CFAP90: variants seen among roughly 807,000 people sequenced by gnomAD.
CFAP90 encodes the protein cilia- and flagella-associated protein 90.
the CFAP90 span, among the ~76,000 whole-genome samples, chr5:7,849,026 C>A: frequency 6.6e-6 from 1 of 152,158 alleles, no homozygotes; most frequent in Non-Finnish European, 1.5e-5. Flanking sequence ...CAAATTTCCC[C>A]TTTTCTCAAA....
At chr5:7,840,173 A>G in the CFAP90 span, among the ~76,000 whole-genome samples, 2 of 152,050 alleles carry the variant, frequency 1.3e-5, no homozygotes, top group African/African-American at 4.8e-5. Flanking sequence ...TCACCTTGTG[A>G]TCTCTCCCTT....
the CFAP90 span, among the ~76,000 whole-genome samples, chr5:7,846,742 T>C: frequency 5.9e-5 from 9 of 152,194 alleles, no homozygotes; most frequent in African/African-American, 1.9e-4. Flanking sequence ...ATTATTCTTC[T>C]TCTTACTTTT....
chr5:7,830,923 G>A, the CFAP90 span: 1 of 152,188 alleles, frequency 6.6e-6, no homozygotes, highest in East Asian at 1.9e-4. Context: ...CCAAAAAGAA[G>A]ACTGTTTAAA....
At chr5:7,834,025 A>G in the CFAP90 span, among the ~76,000 whole-genome samples, 1 of 152,220 alleles carries the variant, frequency 6.6e-6, no homozygotes, top group East Asian at 1.9e-4. Context: ...TGTATTTATT[A>G]TATTTTTTAT....
chr5:7,844,815 G>A, the CFAP90 span, among the ~76,000 whole-genome samples: 1 of 152,180 alleles, frequency 6.6e-6, no homozygotes, highest in African/African-American at 2.4e-5. Flanking sequence ...TGGTAAAGGT[G>A]CTTGGTTCCT....
At chr5:7,840,664 C>A in the CFAP90 span, among the ~76,000 whole-genome samples, 1 of 152,144 alleles carries the variant, frequency 6.6e-6, no homozygotes, top group Non-Finnish European at 1.5e-5. Context: ...ATGTGGTCAG[C>A]TGACTTGTGT....
chr5:7,832,149 C>A, the CFAP90 span: 1 of 940,664 alleles, frequency 1.1e-6, no homozygotes, highest in Non-Finnish European at 1.6e-6. Context: ...CATGGTAGAC[C>A]AAGAGGGAAC....
the CFAP90 span, among the ~76,000 whole-genome samples, chr5:7,837,463 TTCC>T: frequency 6.6e-6 from 1 of 152,182 alleles, no homozygotes; most frequent in Admixed American, 6.5e-5. Flanking sequence ...GCTAGAATGA[TTCC>T]CTCCAACAGG....
chr5:7,849,419 A>T, the CFAP90 span, among the ~76,000 whole-genome samples: 1 of 152,102 alleles, frequency 6.6e-6, no homozygotes, highest in African/African-American at 2.4e-5. Flanking sequence ...CACCTGGCTA[A>T]TCTATATCCC....
At chr5:7,850,822 AGCCGCCCAGCCGCCCAGCCT>A in the CFAP90 span, 1 of 999,770 alleles carries the variant, frequency 1.0e-6, no homozygotes, top group Non-Finnish European at 1.3e-6. Context: ...CCAGCCGCCC[AGCCGCCCAGCCGCCCAGCCT>A]TCCGGTCTCC....
At chr5:7,838,645 G>T in the CFAP90 span, among the ~76,000 whole-genome samples, 1 of 152,178 alleles carries the variant, frequency 6.6e-6, no homozygotes, top group African/African-American at 2.4e-5. Context: ...TATTTTAAGG[G>T]ATTCAATAGT....
chr5:7,833,969 C>T, the CFAP90 span, among the ~76,000 whole-genome samples: 1 of 152,116 alleles, frequency 6.6e-6, no homozygotes. Context: ...TTATGTACAG[C>T]TCATAGTACT....
At chr5:7,833,184 C>A in the CFAP90 span, among the ~76,000 whole-genome samples, 1 of 152,078 alleles carries the variant, frequency 6.6e-6, no homozygotes, top group Non-Finnish European at 1.5e-5. Flanking sequence ...AGTACCTTAG[C>A]CTTAGCTTCT....
At chr5:7,834,336 T>TAAAG in the CFAP90 span, among the ~76,000 whole-genome samples, 14 of 152,158 alleles carry the variant, frequency 9.2e-5, no homozygotes, top group Non-Finnish European at 2.1e-4. Context: ...CATAAAGATC[T>TAAAG]AAAGAAAGAA....
the CFAP90 span, among the ~76,000 whole-genome samples, chr5:7,833,624 C>T: frequency 3.3e-5 from 5 of 152,098 alleles, no homozygotes; most frequent in Non-Finnish European, 2.9e-5. Context: ...CATACATGTA[C>T]ACACATATAT....
the CFAP90 span, among the ~76,000 whole-genome samples, chr5:7,841,638 T>C: frequency 6.6e-6 from 1 of 152,184 alleles, no homozygotes; most frequent in Non-Finnish European, 1.5e-5. Flanking sequence ...CAGAATACTA[T>C]GCAGCCATAA....
the CFAP90 span, among the ~76,000 whole-genome samples, chr5:7,848,425 C>T: frequency 2.6e-5 from 4 of 152,234 alleles, no homozygotes; most frequent in East Asian, 1.9e-4. Flanking sequence ...TTATGGCTGC[C>T]GTATTTGTCA....
chr5:7,839,566 A>C, the CFAP90 span, among the ~76,000 whole-genome samples: 3 of 152,238 alleles, frequency 2.0e-5, no homozygotes, highest in African/African-American at 7.2e-5. Context: ...CCTATATTGA[A>C]GAAGCCCAGT....
the CFAP90 span, among the ~76,000 whole-genome samples, chr5:7,843,184 A>G: frequency 6.6e-6 from 1 of 152,186 alleles, no homozygotes; most frequent in Admixed American, 6.5e-5. Flanking sequence ...CAGGGCCTCA[A>G]TTTACTTCTA....
Sources: gnomAD v4.1 joint callset for allele counts (sites outside exome capture counted in the v4.1 genomes callset) on GRCh38, gnomAD v4.1.1 for gene constraint, MANE v1.5 for transcripts, NCBI Gene and HGNC (gene_info 2026-07-23, HGNC 2026-07-21) for gene names.